Variants in PLEKHA5 observed in about 807,000 individuals in gnomAD.
PLEKHA5 encodes the protein pleckstrin homology domain-containing family A member 5.
PLEKHA5 carries 55 observed loss-of-function variants against 181.9 expected under a neutral mutation model. The observed-to-expected ratio is 0.30, with a 90% CI of 0.24 to 0.38. The LOEUF (loss-of-function observed/expected upper bound fraction) is 0.38. PLEKHA5 is among the 10% of genes least tolerant of loss of function. PLEKHA5 has a pLI of 1.00. For missense variants in PLEKHA5, 1,432 were observed against 1,549.5 expected (o/e 0.92, Z 1.27); for synonymous variants, 535 against 529.4 (o/e 1.01, Z -0.15).
chr12:19,275,293 C>G (rs1390875417), intron 11 of PLEKHA5, among the ~76,000 whole-genome samples: 3 of 152,014 alleles, frequency 2.0e-5, no homozygotes, highest in Non-Finnish European at 2.9e-5. Flanking sequence ...CCCAACCCAC[C>G]CCTGTCTTGT....
intron 3 of PLEKHA5, among the ~76,000 whole-genome samples, chr12:19,206,577 G>A (rs1282031763): frequency 1.3e-5 from 2 of 151,802 alleles, no homozygotes; most frequent in African/African-American, 4.8e-5. Context: ...AAAATGATGT[G>A]GGGGGTGGGA....
chr12:19,267,876 C>T (rs1485448100), intron 8 of PLEKHA5, among the ~76,000 whole-genome samples: 1 of 151,830 alleles, frequency 6.6e-6, no homozygotes, highest in Admixed American at 6.6e-5. Flanking sequence ...AGGAAAATCA[C>T]TTGAACCTGG....
chr12:19,136,922 A>G (rs1207348197), intron 3 of PLEKHA5, among the ~76,000 whole-genome samples: 1 of 152,182 alleles, frequency 6.6e-6, no homozygotes, highest in Admixed American at 6.5e-5. Context: ...AAGGAGAAAA[A>G]TCTGTTTCTT....
At chr12:19,187,808 C>T (rs1276339849) in intron 3 of PLEKHA5, among the ~76,000 whole-genome samples, 1 of 152,120 alleles carries the variant, frequency 6.6e-6, no homozygotes, top group Non-Finnish European at 1.5e-5. Flanking sequence ...AGGTAACATA[C>T]AAGAACATAT....
At chr12:19,280,925 G>A (rs1217151993) in intron 11 of PLEKHA5, among the ~76,000 whole-genome samples, 1 of 151,782 alleles carries the variant, frequency 6.6e-6, no homozygotes. Context: ...TGGCCAAGCT[G>A]GTCTTGAACT....
At chr12:19,184,433 T>C (rs2049346494) in intron 3 of PLEKHA5, among the ~76,000 whole-genome samples, 1 of 152,202 alleles carries the variant, frequency 6.6e-6, no homozygotes, top group Non-Finnish European at 1.5e-5. Context: ...AGGATGTACA[T>C]GTGAGATACA....
At chr12:19,245,653 G>A (rs1031003199) in intron 3 of PLEKHA5, among the ~76,000 whole-genome samples, 6 of 144,940 alleles carry the variant, frequency 4.1e-5, no homozygotes, top group South Asian at 2.2e-4. Flanking sequence ...GCTTGAACCC[G>A]GAGACAGAGC....
chr12:19,333,723 C>T (rs905453059), intron 20 of PLEKHA5, among the ~76,000 whole-genome samples: 1 of 150,262 alleles, frequency 6.7e-6, no homozygotes. Context: ...ATTCTCCTGT[C>T]TCGGCCTCCC....
chr12:19,343,568 C>A (rs2094102008), intron 22 of PLEKHA5, 134 bp downstream of exon 22: 1 of 654,194 alleles, frequency 1.5e-6, no homozygotes, highest in South Asian at 1.8e-5. Context: ...TTAAACAAAT[C>A]TAGTTGTATG....
chr12:19,235,540 C>T (rs556965830), intron 3 of PLEKHA5, among the ~76,000 whole-genome samples: 1 of 152,230 alleles, frequency 6.6e-6, no homozygotes, highest in South Asian at 2.1e-4. Context: ...TGGTTTTTCT[C>T]ATACAATAAT....
In PLEKHA5 at chr12:19,283,708, T is replaced by C; in HGVS notation, c.1742T>C (p.Val581Ala). 1 of 1,613,952 alleles carries C rather than the reference T, an allele frequency of 6.2e-7. No individual in the cohort carries two copies. Residue 581 changes from valine (V) to alanine (A), a missense_variant, in exon 12 of 32, where the codon GTG becomes GCG. Physicochemically the swap from Val to Ala is moderately conservative, Grantham distance 64 (BLOSUM62 0). This residue lies in a region of PLEKHA5 where 1,143 missense variants were observed against 1,168.4 expected (regional missense o/e 0.98). Coordinates refer to ENST00000429027, the MANE Select transcript of PLEKHA5 (RefSeq NM_001256470.2). ...EVSSPIQRGD[V>A]TIDRRHRAHH... is the part of the protein sequence containing the mutation. ...TCTTCACCAATTCAGAGAGGAGATG[T>C]GACAATAGACCGCAGACACAGGGCC...
At chr12:19,195,798 A>G (rs1020366912) in intron 3 of PLEKHA5, among the ~76,000 whole-genome samples, 4 of 152,098 alleles carry the variant, frequency 2.6e-5, no homozygotes, top group African/African-American at 4.8e-5. Context: ...ACATACAAAA[A>G]TAATGTATGT....
At chr12:19,256,796 C>A (rs930217349) in intron 5 of PLEKHA5, among the ~76,000 whole-genome samples, 1 of 152,104 alleles carries the variant, frequency 6.6e-6, no homozygotes, top group Non-Finnish European at 1.5e-5. Context: ...CAAAATAAAT[C>A]TTCATGGTAA....
intron 3 of PLEKHA5, among the ~76,000 whole-genome samples, chr12:19,160,562 C>T (rs2042742188): frequency 6.6e-6 from 1 of 152,054 alleles, no homozygotes. Flanking sequence ...TTTCAGTTTC[C>T]TTCCTATACA....
At chr12:19,277,159 A>G (rs964122307) in intron 11 of PLEKHA5, among the ~76,000 whole-genome samples, 7 of 148,506 alleles carry the variant, frequency 4.7e-5, no homozygotes, top group East Asian at 2.0e-4. Context: ...GTCTGGGGGG[A>G]AAAAAATGAA....
At chr12:19,160,170 T>G (rs189504868) in intron 3 of PLEKHA5, among the ~76,000 whole-genome samples, 1 of 152,266 alleles carries the variant, frequency 6.6e-6, no homozygotes, top group Non-Finnish European at 1.5e-5. Flanking sequence ...TTCTTTTATT[T>G]CTCTTAAAAT....
chr12:19,260,562 A>G (rs2068169751), intron 6 of PLEKHA5, among the ~76,000 whole-genome samples: 1 of 152,172 alleles, frequency 6.6e-6, no homozygotes. Context: ...TAAAAGTTTA[A>G]ATAAATGCAC....
At chr12:19,151,088 T>G (rs1037756207) in intron 3 of PLEKHA5, 1 of 152,258 alleles carries the variant, frequency 6.6e-6, no homozygotes, top group Non-Finnish European at 1.5e-5. Context: ...GTTCTGGGAT[T>G]AAGAGAATGG....
At chr12:19,134,626 T>G (rs1173216669) in intron 3 of PLEKHA5, among the ~76,000 whole-genome samples, 1 of 152,180 alleles carries the variant, frequency 6.6e-6, no homozygotes, top group East Asian at 1.9e-4. Flanking sequence ...AACTTTTTAC[T>G]TGTTTGTATT....
Sources: gnomAD v4.1 joint callset for allele counts (sites outside exome capture counted in the v4.1 genomes callset) on GRCh38, gnomAD v4.1.1 for gene constraint, gnomAD v4.1.1 regional missense constraint, MANE v1.5 for transcripts, NCBI Gene and HGNC (gene_info 2026-07-23, HGNC 2026-07-21) for gene names.